The following CSMD1 variants were observed in gnomAD, a reference collection of about 807,000 sequenced individuals.
CSMD1 encodes CUB and Sushi multiple domains 1.
CSMD1 carries 213 observed loss-of-function variants against 417.5 expected under a neutral mutation model. The observed-to-expected ratio is 0.51, with a 90% CI of 0.46 to 0.57. CSMD1 has a LOEUF of 0.57. Among genes scored for constraint, CSMD1 ranks in the 20% least tolerant of loss-of-function variants. CSMD1 has a pLI of 0.00. For synonymous variants in CSMD1, 2,862 were observed against 1,736.8 expected (o/e 1.65, Z -16.11); for missense variants, 6,923 against 4,529.7 (o/e 1.53, Z -15.17).
At chr8:3,040,468 C>A (rs1194297276) in intron 50 of CSMD1, among the ~76,000 whole-genome samples, 2 of 146,348 alleles carry the variant, frequency 1.4e-5, no homozygotes, top group African/African-American at 2.5e-5. Context: ...ATCTATCTAT[C>A]TATATATATA....
chr8:4,565,794 ATATGTATACATATATATATT>A (rs1180893372), intron 2 of CSMD1, among the ~76,000 whole-genome samples: 9 of 67,566 alleles, frequency 1.3e-4, no homozygotes, highest in African/African-American at 4.9e-4. Flanking sequence ...ATATATATAT[ATATGTATACATATATATATT>A]ATATACACAC....
chr8:3,924,164 C>T (rs1809476915), intron 5 of CSMD1, among the ~76,000 whole-genome samples: 1 of 152,164 alleles, frequency 6.6e-6, no homozygotes. Flanking sequence ...CTGAGTATAG[C>T]ATTCTTCGTT....
chr8:3,507,173 G>C (rs1208925090), intron 10 of CSMD1, among the ~76,000 whole-genome samples: 2 of 152,162 alleles, frequency 1.3e-5, no homozygotes. Flanking sequence ...GTGGTTTAGA[G>C]GGGAACTCAA....
At chr8:3,816,795 T>C (rs1801392425) in intron 5 of CSMD1, among the ~76,000 whole-genome samples, 1 of 152,140 alleles carries the variant, frequency 6.6e-6, no homozygotes, top group African/African-American at 2.4e-5. Flanking sequence ...TATGGTATAC[T>C]GTATATAGGG....
intron 1 of CSMD1, among the ~76,000 whole-genome samples, chr8:4,947,294 G>C (rs1018977738): frequency 6.6e-6 from 1 of 152,108 alleles, no homozygotes; most frequent in African/African-American, 2.4e-5. Context: ...AAACCTATAA[G>C]ACCATTTGGT....
At chr8:3,736,029 T>C (rs1029647254) in intron 6 of CSMD1, among the ~76,000 whole-genome samples, 6 of 151,772 alleles carry the variant, frequency 4.0e-5, no homozygotes, top group Non-Finnish European at 7.4e-5. Flanking sequence ...ATAGAGGGAA[T>C]AGAAATACAA....
At chr8:3,153,488 C>A (rs1270655743) in intron 39 of CSMD1, among the ~76,000 whole-genome samples, 1 of 152,120 alleles carries the variant, frequency 6.6e-6, no homozygotes, top group Non-Finnish European at 1.5e-5. Context: ...ATCACAACCC[C>A]TTTCCTGTAA....
chr8:4,388,754 A>C (rs1803641753), intron 3 of CSMD1, among the ~76,000 whole-genome samples: 1 of 152,200 alleles, frequency 6.6e-6, no homozygotes, highest in Non-Finnish European at 1.5e-5. Flanking sequence ...AGTAAAAATA[A>C]AATAAAACCT....
intron 10 of CSMD1, among the ~76,000 whole-genome samples, chr8:3,519,102 C>T (rs976478591): frequency 6.6e-6 from 1 of 152,200 alleles, no homozygotes; most frequent in African/African-American, 2.4e-5. Flanking sequence ...TCACTGTCCC[C>T]TGTGCAAATA....
intron 1 of CSMD1, among the ~76,000 whole-genome samples, chr8:4,697,056 C>T (rs1807181546): frequency 6.6e-6 from 1 of 152,106 alleles, no homozygotes; most frequent in South Asian, 2.1e-4. Flanking sequence ...CCTGTAATCC[C>T]AGCTACTCAG....
chr8:4,033,493 G>A (rs372957803), intron 3 of CSMD1, among the ~76,000 whole-genome samples: 10 of 152,054 alleles, frequency 6.6e-5, no homozygotes. Flanking sequence ...CCTATGACCT[G>A]GAAGCTCCCA....
At chr8:2,971,124 T>G (rs1350433624) in intron 57 of CSMD1, among the ~76,000 whole-genome samples, 1 of 152,212 alleles carries the variant, frequency 6.6e-6, no homozygotes, top group Non-Finnish European at 1.5e-5. Context: ...ATACAATTAT[T>G]AAAAGAATGA....
intron 23 of CSMD1, 52 bp downstream of exon 23, chr8:3,343,242 A>G: frequency 2.0e-6 from 3 of 1,490,756 alleles, no homozygotes; most frequent in South Asian, 1.2e-5. Flanking sequence ...CAAGTATCAG[A>G]TATGTCCTGA....
chr8:4,927,458 C>T (rs1013603726), intron 1 of CSMD1, among the ~76,000 whole-genome samples: 1 of 152,172 alleles, frequency 6.6e-6, no homozygotes, highest in Non-Finnish European at 1.5e-5. Flanking sequence ...GACTCAAGAA[C>T]TGAGGCTTGG....
At chr8:3,788,976 C>A (rs1224298628) in intron 5 of CSMD1, among the ~76,000 whole-genome samples, 1 of 152,140 alleles carries the variant, frequency 6.6e-6, no homozygotes, top group Admixed American at 6.5e-5. Flanking sequence ...TAATCTGATT[C>A]CAAATTGTAA....
intron 2 of CSMD1, among the ~76,000 whole-genome samples, chr8:4,422,109 A>G (rs1154040): frequency 0.93 from 141,208 of 152,156 alleles, 65,741 homozygotes; most frequent in East Asian, 1. Context: ...AATACATAAT[A>G]TGAATTATCC....
At chr8:3,539,195 G>C (rs919710526) in intron 10 of CSMD1, among the ~76,000 whole-genome samples, 1 of 152,042 alleles carries the variant, frequency 6.6e-6, no homozygotes. Flanking sequence ...CTGTAATTTA[G>C]GTCTGGAAGG....
chr8:4,929,627 T>A (rs181371809), intron 1 of CSMD1, among the ~76,000 whole-genome samples: 9 of 152,306 alleles, frequency 5.9e-5, no homozygotes, highest in Admixed American at 4.6e-4. Flanking sequence ...TTTGTCACCA[T>A]TTTCATCTGA....
intron 6 of CSMD1, among the ~76,000 whole-genome samples, chr8:3,729,752 C>T (rs1802714039): frequency 6.6e-6 from 1 of 151,990 alleles, no homozygotes; most frequent in Non-Finnish European, 1.5e-5. Context: ...AAAGCTCTCA[C>T]CACAAAGACA....
Sources: allele counts gnomAD v4.1 joint callset (sites outside exome capture counted in the v4.1 genomes callset), GRCh38; gene constraint gnomAD v4.1.1; transcripts MANE v1.5; gene names NCBI Gene and HGNC (gene_info 2026-07-23, HGNC 2026-07-21).